GCNT2: variants seen among roughly 807,000 people sequenced by gnomAD.
GCNT2 encodes the protein N-acetyllactosaminide beta-1,6-N-acetylglucosaminyl-transferase.
A neutral mutation model predicts 34.2 loss-of-function variants in GCNT2; 34 were observed. The ratio of observed to expected loss-of-function variants is 1.00; its 90% CI spans 0.76 to 1.32. GCNT2 has a LOEUF of 1.32. Ranked by LOEUF, GCNT2 falls within the 40% of genes most tolerant of loss-of-function variation. The probability of loss-of-function intolerance (pLI) is 0.00; values close to 1 mark genes in which losing one functional copy is unlikely to be tolerated. For missense variants in GCNT2, 584 were observed against 489.4 expected, an observed-to-expected ratio of 1.19 and a Z score of -1.82; for synonymous variants, 212 against 188.0, an observed-to-expected ratio of 1.13 and a Z score of -1.04.
At chr6:10,624,112 G>A (rs944532491) in intron 4 of GCNT2, among the ~76,000 whole-genome samples, 1 of 152,112 alleles carries the variant, frequency 6.6e-6, no homozygotes, top group Non-Finnish European at 1.5e-5. Flanking sequence ...AGGCCTCCTG[G>A]CTACCTACTT....
rs1360967949 is a variant in GCNT2 at position 10,534,088 on chromosome 6, G to C, written c.925+4252G>C. On this transcript the variant is annotated intron_variant, in intron 3 of 4. Transcript: ENST00000495262. Reference sequence around the variant, plus strand: ...CCTGGTTTATGGGCTCCTCCACCCTGTGGGTTCTACTTCCTATGTCTTCCC... The same window carrying C: ...CCTGGTTTATGGGCTCCTCCACCCTCTGGGTTCTACTTCCTATGTCTTCCC... Among the ~76,000 whole-genome samples the C allele has an allele frequency of 2.7e-5, 4 of 148,228 alleles. No individual in the cohort carries two copies. In the East Asian group the frequency reaches 8.0e-4, roughly 30 times the overall value.
At chr6:10,556,621 C>T in intron 3 of GCNT2, 1 of 1,614,072 alleles carries the variant, frequency 6.2e-7, no homozygotes, top group Non-Finnish European at 8.5e-7. Context: ...AACTAATGAT[C>T]CATGAGAAGT....
chr6:10,558,484 G>A (rs531245376), intron 3 of GCNT2, among the ~76,000 whole-genome samples: 30 of 152,222 alleles, frequency 2.0e-4, no homozygotes, highest in East Asian at 9.6e-4. Flanking sequence ...TTTCTCACCC[G>A]AATTTTCCTA....
At chr6:10,593,241 C>G (rs1164892364) in intron 3 of GCNT2, among the ~76,000 whole-genome samples, 1 of 152,164 alleles carries the variant, frequency 6.6e-6, no homozygotes, top group Non-Finnish European at 1.5e-5. Flanking sequence ...CTTTCTACTG[C>G]TTTAGAACCG....
intron 3 of GCNT2, among the ~76,000 whole-genome samples, chr6:10,568,656 G>A (rs1308868966): frequency 1.3e-5 from 2 of 152,132 alleles, no homozygotes; most frequent in Non-Finnish European, 2.9e-5. Context: ...TCTCAACATG[G>A]CAGGTTGGAT....
chr6:10,554,864 A>G (rs1335264528), intron 3 of GCNT2, among the ~76,000 whole-genome samples: 1 of 152,140 alleles, frequency 6.6e-6, no homozygotes, highest in Non-Finnish European at 1.5e-5. Context: ...AGAGAAAAAT[A>G]ATGTACAAGC....
Position 10,529,265 on chromosome 6 carries a change from T to G in GCNT2, c.354T>G (p.Tyr118Ter). ...GTFERLFRAIYMPQNVYCVHL... is the reference protein window; with the variant it reads ...GTFERLFRAI ...TTGAGAGGCTCTTCAGGGCGATTTA[T>G]ATGCCCCAAAATGTCTACTGTGTGC... Residue 118 changes from tyrosine (Y) to a stop codon, truncating the protein, a stop_gained, in exon 3 of 5, where the codon TAT becomes TAG. Coordinates refer to ENST00000495262, the MANE Select transcript of GCNT2 (RefSeq NM_145649.5). LOFTEE classifies it high-confidence loss of function. 6.2e-7 allele frequency: 1 copy of G among 1,614,164 alleles called. No homozygotes were observed. The highest frequency in any genetic ancestry group is 8.5e-7 in the Non-Finnish European group (1 of 1,180,018).
chr6:10,573,882 C>T (rs1292589779), intron 3 of GCNT2, among the ~76,000 whole-genome samples: 1 of 152,184 alleles, frequency 6.6e-6, no homozygotes, highest in Non-Finnish European at 1.5e-5. Flanking sequence ...TCTGCCTATG[C>T]TTCGGGATAT....
chr6:10,616,817 A>G (rs1581488591), intron 3 of GCNT2, among the ~76,000 whole-genome samples: 1 of 152,080 alleles, frequency 6.6e-6, no homozygotes, highest in African/African-American at 2.4e-5. Flanking sequence ...AACCAGAGTA[A>G]CTAGACACAG....
intron 3 of GCNT2, among the ~76,000 whole-genome samples, chr6:10,577,147 G>T (rs771679696): frequency 1.3e-5 from 2 of 152,204 alleles, no homozygotes; most frequent in African/African-American, 2.4e-5. Context: ...GGGCGTGTGT[G>T]ACTTTGGCCT....
At chr6:10,569,235 CCA>C (rs373362957) in intron 3 of GCNT2, among the ~76,000 whole-genome samples, 609 of 47,450 alleles carry the variant, frequency 0.013, 11 homozygotes, top group African/African-American at 0.024. Context: ...ACTCCCCCCG[CCA>C]CACACACACA....
intron 3 of GCNT2, among the ~76,000 whole-genome samples, chr6:10,595,681 G>GA (rs71548852): frequency 0.11 from 16,666 of 151,928 alleles, 1,099 homozygotes; most frequent in Middle Eastern, 0.17. Context: ...GCCAAGATCT[G>GA]AAAAAAAATG....
chr6:10,572,364 C>G (rs1763589475), intron 3 of GCNT2, among the ~76,000 whole-genome samples: 1 of 152,154 alleles, frequency 6.6e-6, no homozygotes, highest in Non-Finnish European at 1.5e-5. Flanking sequence ...TGGACCTATT[C>G]CATTTATAAC....
chr6:10,556,013 C>G (rs1057471145), intron 3 of GCNT2: 1 of 1,126,802 alleles, frequency 8.9e-7, no homozygotes, highest in South Asian at 2.2e-5. Flanking sequence ...TTTCACTGCG[C>G]TCATTCCCTG....
intron 3 of GCNT2, among the ~76,000 whole-genome samples, chr6:10,607,014 T>A (rs1561834141): frequency 6.6e-6 from 1 of 152,042 alleles, no homozygotes; most frequent in Admixed American, 6.6e-5. Context: ...TGGCGTGACC[T>A]CGGCTCACTG....
At chr6:10,619,435 A>T (rs935338562) in intron 3 of GCNT2, 1 of 152,118 alleles carries the variant, frequency 6.6e-6, no homozygotes, top group African/African-American at 2.4e-5. Context: ...CTGCAGTCTC[A>T]AACTCCTGGG....
intron 3 of GCNT2, among the ~76,000 whole-genome samples, chr6:10,605,837 G>C (rs1008115177): frequency 6.6e-6 from 1 of 152,020 alleles, no homozygotes; most frequent in African/African-American, 2.4e-5. Flanking sequence ...CTTGAAAAAA[G>C]TTTTTTTGTG....
intron 3 of GCNT2, among the ~76,000 whole-genome samples, chr6:10,599,856 T>C (rs1186918651): frequency 3.9e-5 from 6 of 152,126 alleles, no homozygotes; most frequent in South Asian, 2.1e-4. Context: ...TCCTGGCACA[T>C]AGAAAGAGGA....
chr6:10,530,527 A>G (rs1761435708), intron 3 of GCNT2, among the ~76,000 whole-genome samples: 1 of 152,136 alleles, frequency 6.6e-6, no homozygotes, highest in Admixed American at 6.6e-5. Flanking sequence ...GGAGCAAGAT[A>G]CAACTTTCAA....
Sources: allele counts gnomAD v4.1 joint callset (sites outside exome capture counted in the v4.1 genomes callset), GRCh38; gene constraint gnomAD v4.1.1; transcripts MANE v1.5; gene names NCBI Gene and HGNC (gene_info 2026-07-23, HGNC 2026-07-21).